Variants in CECR2 observed in about 807,000 individuals in gnomAD.
CECR2 encodes CECR2 histone acetyl-lysine reader.
A neutral mutation model predicts 154.5 loss-of-function variants in CECR2; 30 were observed. The ratio of observed to expected loss-of-function variants is 0.19; its 90% CI spans 0.15 to 0.26. CECR2 has a LOEUF of 0.26. CECR2 is among the 10% of genes least tolerant of loss of function. The pLI is 1.00. For missense variants in CECR2, 1,743 were observed against 1,829.3 expected (o/e 0.95, Z 0.86); for synonymous variants, 725 against 683.7 (o/e 1.06, Z -0.94).
chr22:17,454,290 C>T (rs1247494513), intron 1 of CECR2, among the ~76,000 whole-genome samples: 3 of 151,860 alleles, frequency 2.0e-5, no homozygotes, highest in East Asian at 1.9e-4. Context: ...CAGAGTGAGA[C>T]CCTGTCACAA....
chr22:17,533,701 T>G (rs2056394654), intron 9 of CECR2, among the ~76,000 whole-genome samples: 1 of 68,464 alleles, frequency 1.5e-5, no homozygotes, highest in South Asian at 3.9e-4. Flanking sequence ...AGGGCCTTTT[T>G]TTGTTTGTTT....
chr22:17,397,602 AT>A (rs2053831387), intron 1 of CECR2, among the ~76,000 whole-genome samples: 3 of 152,026 alleles, frequency 2.0e-5, no homozygotes, highest in Admixed American at 1.3e-4. Flanking sequence ...GGTTCACCCC[AT>A]TCTCCTGCCT....
At chr22:17,397,849 G>A (rs1329545000) in intron 1 of CECR2, among the ~76,000 whole-genome samples, 1 of 152,146 alleles carries the variant, frequency 6.6e-6, no homozygotes, top group African/African-American at 2.4e-5. Flanking sequence ...TTTTAGTAAT[G>A]CAGCTGTGGT....
intron 1 of CECR2, among the ~76,000 whole-genome samples, chr22:17,398,198 C>A (rs1344458842): frequency 6.8e-6 from 1 of 147,996 alleles, no homozygotes; most frequent in Non-Finnish European, 1.5e-5. Flanking sequence ...TTTGGTATAA[C>A]AAAGTGGGGG....
chr22:17,498,035 G>A (rs1162368560), intron 3 of CECR2, among the ~76,000 whole-genome samples: 1 of 152,202 alleles, frequency 6.6e-6, no homozygotes, highest in East Asian at 1.9e-4. Flanking sequence ...TACAAAAAAT[G>A]TGTTGAAGGA....
chr22:17,521,705 T>G (rs981892522), intron 8 of CECR2, among the ~76,000 whole-genome samples: 7 of 152,232 alleles, frequency 4.6e-5, no homozygotes, highest in African/African-American at 1.4e-4. Flanking sequence ...GTAGGTTGCC[T>G]GTTCACTCTG....
At chr22:17,458,965 G>A (rs2054895570) in intron 1 of CECR2, among the ~76,000 whole-genome samples, 1 of 152,154 alleles carries the variant, frequency 6.6e-6, no homozygotes, top group African/African-American at 2.4e-5. Flanking sequence ...CTATAGCTTT[G>A]TGAAAATGAG....
chr22:17,402,002 GAGAC>G (rs1230866818), intron 1 of CECR2, among the ~76,000 whole-genome samples: 2 of 151,936 alleles, frequency 1.3e-5, no homozygotes, highest in African/African-American at 4.8e-5. Flanking sequence ...TTTTTTATTG[GAGAC>G]AGAGTCTCGC....
intron 1 of CECR2, among the ~76,000 whole-genome samples, chr22:17,393,021 C>G (rs2063341684): frequency 6.6e-6 from 1 of 152,148 alleles, no homozygotes; most frequent in Admixed American, 6.5e-5. Flanking sequence ...GCCTGGGTGA[C>G]AGAGTGAGAC....
intron 1 of CECR2, among the ~76,000 whole-genome samples, chr22:17,411,947 A>C (rs2054073861): frequency 6.6e-6 from 1 of 152,174 alleles, no homozygotes; most frequent in Non-Finnish European, 1.5e-5. Context: ...GCTGTCACTT[A>C]TGCCCTGTTG....
intron 16 of CECR2, among the ~76,000 whole-genome samples, chr22:17,543,631 T>C (rs961207675): frequency 1.3e-5 from 2 of 151,306 alleles, no homozygotes; most frequent in Non-Finnish European, 3.0e-5. Flanking sequence ...ACAATCTCGG[T>C]TGACTGCAAC....
At chr22:17,406,383 C>T (rs377384596) in intron 1 of CECR2, among the ~76,000 whole-genome samples, 4 of 152,034 alleles carry the variant, frequency 2.6e-5, no homozygotes, top group African/African-American at 7.3e-5. Context: ...ATTAGCCAGG[C>T]GTGGTGGCAC....
intron 4 of CECR2, among the ~76,000 whole-genome samples, chr22:17,499,905 C>T (rs112338744): frequency 1.7e-3 from 264 of 152,200 alleles, no homozygotes; most frequent in African/African-American, 6.0e-3. Context: ...CTCCTTATTT[C>T]GACTAGAATT....
At chr22:17,368,320 C>G (rs1050257123), upstream of CECR2, among the ~76,000 whole-genome samples, 1 of 152,078 alleles carries the variant, frequency 6.6e-6, no homozygotes, top group Non-Finnish European at 1.5e-5. Context: ...GCCTGTCACT[C>G]AATAAATAGT....
chr22:17,482,641 T>G (rs1005048323), intron 2 of CECR2, among the ~76,000 whole-genome samples: 1 of 151,924 alleles, frequency 6.6e-6, no homozygotes, highest in African/African-American at 2.4e-5. Flanking sequence ...TCAAACGATC[T>G]TCCCACTTCA....
chr22:17,363,638 T>A (rs1476257686), intron 1 of CECR2, among the ~76,000 whole-genome samples: 1 of 152,074 alleles, frequency 6.6e-6, no homozygotes, highest in African/African-American at 2.4e-5. Context: ...CCACCATACC[T>A]GGCCTATTTA....
intron 7 of CECR2, 119 bp from the exon 8 acceptor site, chr22:17,511,694 G>A (rs2055956692): frequency 2.8e-6 from 2 of 713,460 alleles, no homozygotes; most frequent in East Asian, 2.6e-5. Context: ...GAAGCCTTTG[G>A]CCCTAACCTG....
At chr22:17,546,031 G>A (rs1004508176) in intron 16 of CECR2, among the ~76,000 whole-genome samples, 6 of 151,734 alleles carry the variant, frequency 4.0e-5, no homozygotes, top group African/African-American at 4.8e-5. Flanking sequence ...CAGCCTGGGC[G>A]ACAGAGTTGA....
chr22:17,482,882 C>T (rs768352727), intron 2 of CECR2, among the ~76,000 whole-genome samples: 5 of 151,912 alleles, frequency 3.3e-5, no homozygotes, highest in Admixed American at 6.6e-5. Context: ...GGAGTTTCAC[C>T]GCATTAGCCA....
Sources: gnomAD v4.1 joint callset for allele counts (sites outside exome capture counted in the v4.1 genomes callset) on GRCh38, gnomAD v4.1.1 for gene constraint, MANE v1.5 for transcripts, NCBI Gene and HGNC (gene_info 2026-07-23, HGNC 2026-07-21) for gene names.